SCPEP1: variants seen among roughly 807,000 people sequenced by gnomAD.
The protein encoded by SCPEP1 is retinoid-inducible serine carboxypeptidase.
A neutral mutation model predicts 63.8 loss-of-function variants in SCPEP1; 51 were observed. The ratio of observed to expected loss-of-function variants is 0.80; its 90% CI spans 0.64 to 1.01. The LOEUF (loss-of-function observed/expected upper bound fraction) is 1.01. Ranked by LOEUF, SCPEP1 falls within the 50% of genes least tolerant of loss-of-function variation. SCPEP1 has a pLI of 0.00. For synonymous variants in SCPEP1, 204 were observed against 207.8 expected, an observed-to-expected ratio of 0.98 and a Z score of 0.16; for missense variants, 499 against 554.9, an observed-to-expected ratio of 0.90 and a Z score of 1.01.
At chr17:56,980,889 A>G (rs1911049121) in intron 1 of SCPEP1, among the ~76,000 whole-genome samples, 193 bp from the exon 2 acceptor site, 1 of 151,608 alleles carries the variant, frequency 6.6e-6, no homozygotes, top group South Asian at 2.1e-4. Flanking sequence ...CTGGCCTCCT[A>G]TGCCGCTGTT....
At chr17:56,990,952 G>A in intron 5 of SCPEP1, 147 bp from the exon 6 acceptor site, 1 of 702,264 alleles carries the variant, frequency 1.4e-6, no homozygotes, top group South Asian at 1.6e-5. Context: ...TTAACTTTTT[G>A]TAGAGATGGG....
chr17:57,005,683 GAA>G (rs1451593903), intron 12 of SCPEP1, among the ~76,000 whole-genome samples: 4 of 152,158 alleles, frequency 2.6e-5, no homozygotes, highest in African/African-American at 9.7e-5. Context: ...GAAAACAAAA[GAA>G]AGTTGAATAA....
chr17:56,991,538 C>T (rs1385859729), intron 6 of SCPEP1, among the ~76,000 whole-genome samples: 1 of 152,210 alleles, frequency 6.6e-6, no homozygotes, highest in Admixed American at 6.5e-5. Flanking sequence ...ATCCTGCCCC[C>T]TCTACTTCCC....
At chr17:56,992,844 A>C (rs981020101) in intron 6 of SCPEP1, among the ~76,000 whole-genome samples, 1 of 152,220 alleles carries the variant, frequency 6.6e-6, no homozygotes, top group Non-Finnish European at 1.5e-5. Context: ...CTCCAAGATC[A>C]GTACGTTTCG....
At chr17:57,003,699 G>A (rs1433925951) in intron 12 of SCPEP1, among the ~76,000 whole-genome samples, 1 of 152,184 alleles carries the variant, frequency 6.6e-6, no homozygotes, top group Non-Finnish European at 1.5e-5. Context: ...GGCCCGCAGT[G>A]CTAAGTGAGA....
chr17:56,994,846 TGAG>T (rs1911498962), intron 6 of SCPEP1, 132 bp from the exon 7 acceptor site: 1 of 719,412 alleles, frequency 1.4e-6, no homozygotes, highest in African/African-American at 1.7e-5. Flanking sequence ...ACAGGTGAAT[TGAG>T]GAGCCTTCCA....
At chr17:56,999,981 T>TA (rs761068231) in intron 10 of SCPEP1, among the ~76,000 whole-genome samples, 2,878 of 103,812 alleles carry the variant, frequency 0.028, 72 homozygotes, top group African/African-American at 0.052. Context: ...AAACTCTGTC[T>TA]AAAAAAAAAA....
intron 1 of SCPEP1, among the ~76,000 whole-genome samples, chr17:56,978,571 TA>T (rs967082353): frequency 2.6e-5 from 4 of 152,138 alleles, no homozygotes; most frequent in African/African-American, 7.2e-5. Context: ...AATGAGGATA[TA>T]AGGTCGTTTT....
At chr17:56,998,233 C>T (rs1331529472) in intron 9 of SCPEP1, 152 bp from the exon 10 acceptor site, 2 of 535,366 alleles carry the variant, frequency 3.7e-6, no homozygotes, top group South Asian at 2.1e-5. Context: ...ATCGCTTGAA[C>T]CCAGGAGGCG....
At chr17:56,992,197 A>AC (rs377486680) in intron 6 of SCPEP1, among the ~76,000 whole-genome samples, 73 of 152,262 alleles carry the variant, frequency 4.8e-4, no homozygotes, top group African/African-American at 1.7e-3. Flanking sequence ...GGTAATATTT[A>AC]CCCCTAAAAG....
chr17:56,994,296 G>T (rs190734030), intron 6 of SCPEP1, among the ~76,000 whole-genome samples: 222 of 152,304 alleles, frequency 1.5e-3, no homozygotes, highest in African/African-American at 5.2e-3. Context: ...CTTTGTTGGC[G>T]TGTCTTTCAA....
intron 2 of SCPEP1, among the ~76,000 whole-genome samples, chr17:56,981,667 C>T (rs1361046942): frequency 6.6e-6 from 1 of 152,004 alleles, no homozygotes. Flanking sequence ...ATATTTAATA[C>T]AAAAATTATC....
chr17:56,979,437 TC>T (rs1322368289), intron 1 of SCPEP1, among the ~76,000 whole-genome samples: 3 of 148,658 alleles, frequency 2.0e-5, no homozygotes, highest in South Asian at 2.1e-4. Context: ...ACCGAGGGGA[TC>T]CCCCCCATCA....
At chr17:56,990,359 T>C (rs759944067) in intron 5 of SCPEP1, among the ~76,000 whole-genome samples, 3 of 152,232 alleles carry the variant, frequency 2.0e-5, no homozygotes, top group Non-Finnish European at 4.4e-5. Context: ...TAAGATTTAT[T>C]AATTTAAAAA....
At chr17:56,991,931 A>G (rs1209046695) in intron 6 of SCPEP1, among the ~76,000 whole-genome samples, 1 of 152,264 alleles carries the variant, frequency 6.6e-6, no homozygotes, top group East Asian at 1.9e-4. Flanking sequence ...GAACAAAACC[A>G]TCCCTGATTG....
intron 6 of SCPEP1, among the ~76,000 whole-genome samples, chr17:56,991,443 G>A (rs964297434): frequency 3.9e-5 from 6 of 152,154 alleles, no homozygotes; most frequent in Non-Finnish European, 8.8e-5. Flanking sequence ...CAAGAAATGT[G>A]CTATCTGCCA....
At chr17:56,999,001 T>C (rs543115303) in intron 10 of SCPEP1, among the ~76,000 whole-genome samples, 2 of 151,378 alleles carry the variant, frequency 1.3e-5, no homozygotes, top group South Asian at 2.1e-4. Flanking sequence ...AAATAAGGAG[T>C]TGGTAGGGAG....
At chr17:56,995,756 T>G (rs1190851203) in intron 8 of SCPEP1, 121 bp downstream of exon 8, 2 of 1,080,458 alleles carry the variant, frequency 1.9e-6, no homozygotes, top group Admixed American at 2.9e-5. Context: ...CTGCAAATGA[T>G]TGCATGCTGG....
At chr17:56,990,486 A>G (rs1246914668) in intron 5 of SCPEP1, among the ~76,000 whole-genome samples, 1 of 152,236 alleles carries the variant, frequency 6.6e-6, no homozygotes, top group Non-Finnish European at 1.5e-5. Context: ...GCATCTGGGT[A>G]TATAGCTTTC....
Sources: gnomAD v4.1 joint callset for allele counts (sites outside exome capture counted in the v4.1 genomes callset) on GRCh38, gnomAD v4.1.1 for gene constraint, MANE v1.5 for transcripts, NCBI Gene and HGNC (gene_info 2026-07-23, HGNC 2026-07-21) for gene names.